The following ASAP1 variants were observed in gnomAD, a reference collection of about 807,000 sequenced individuals.
ASAP1 encodes ArfGAP with SH3 domain, ankyrin repeat and PH domain 1.
In ASAP1, 43 loss-of-function variants were observed where a neutral mutation model predicts 145.2. The observed-to-expected ratio is 0.30, with a 90% CI of 0.23 to 0.38. The LOEUF is 0.38. ASAP1 is among the 10% of genes least tolerant of loss of function. The probability of loss-of-function intolerance (pLI) is 1.00; values close to 1 mark genes in which losing one functional copy is unlikely to be tolerated. For missense variants in ASAP1, 1,018 were observed against 1,355.3 expected (o/e 0.75, Z 3.91); for synonymous variants, 546 against 515.5 (o/e 1.06, Z -0.80).
intron 1 of ASAP1, among the ~76,000 whole-genome samples, chr8:130,413,470 T>C (rs1829349782): frequency 6.6e-6 from 1 of 152,178 alleles, no homozygotes; most frequent in African/African-American, 2.4e-5. Flanking sequence ...GGCAGAACTA[T>C]TTTCTCTCCC....
chr8:130,161,990 G>C (rs2097670168), intron 11 of ASAP1, among the ~76,000 whole-genome samples: 1 of 152,070 alleles, frequency 6.6e-6, no homozygotes. Context: ...TGTAGGGATG[G>C]GGTTTCACTG....
chr8:130,234,668 A>AG (rs1008749079), intron 4 of ASAP1, among the ~76,000 whole-genome samples: 4 of 152,098 alleles, frequency 2.6e-5, no homozygotes, highest in Non-Finnish European at 5.9e-5. Flanking sequence ...ATGCATCTTG[A>AG]GGGGGAACAT....
At chr8:130,387,444 G>A (rs1828070096) in intron 2 of ASAP1, among the ~76,000 whole-genome samples, 1 of 151,872 alleles carries the variant, frequency 6.6e-6, no homozygotes, top group African/African-American at 2.4e-5. Context: ...GCTGAGGCAG[G>A]AGAATCACTT....
At chr8:130,178,850 C>T (rs998730253) in intron 9 of ASAP1, among the ~76,000 whole-genome samples, 5 of 151,748 alleles carry the variant, frequency 3.3e-5, no homozygotes, top group Admixed American at 1.3e-4. Flanking sequence ...GACTGCACCA[C>T]TGCACTCCAG....
chr8:130,195,934 C>T (rs976382327), intron 5 of ASAP1, among the ~76,000 whole-genome samples: 4 of 152,300 alleles, frequency 2.6e-5, no homozygotes, highest in African/African-American at 9.6e-5. Flanking sequence ...AAGAAATGAT[C>T]TCACTTATTG....
At chr8:130,385,161 G>A (rs1485464900) in intron 2 of ASAP1, among the ~76,000 whole-genome samples, 1 of 152,076 alleles carries the variant, frequency 6.6e-6, no homozygotes, top group Non-Finnish European at 1.5e-5. Flanking sequence ...GTCGCTTGAG[G>A]TTCATTTAAA....
chr8:130,340,948 T>C (rs887740375), intron 3 of ASAP1: 2 of 447,522 alleles, frequency 4.5e-6, no homozygotes, highest in Non-Finnish European at 8.9e-6. Context: ...TACTAGGTTT[T>C]TTTTTGTTTT....
chr8:130,109,098 A>G (rs557012800), intron 24 of ASAP1, among the ~76,000 whole-genome samples: 9 of 152,280 alleles, frequency 5.9e-5, no homozygotes, highest in African/African-American at 2.2e-4. Flanking sequence ...TAATAAACGT[A>G]CAGTAGAAGT....
chr8:130,110,395 T>C (rs2097544686), intron 24 of ASAP1, among the ~76,000 whole-genome samples: 1 of 152,192 alleles, frequency 6.6e-6, no homozygotes, highest in African/African-American at 2.4e-5. Flanking sequence ...TTTTCCATTA[T>C]TGTATTCAGT....
intron 2 of ASAP1, among the ~76,000 whole-genome samples, chr8:130,368,652 G>A (rs1002921252): frequency 7.2e-5 from 11 of 152,216 alleles, no homozygotes; most frequent in Non-Finnish European, 1.6e-4. Flanking sequence ...TAGATGCTAG[G>A]ATACAGAGGA....
At chr8:130,341,638 G>A (rs1372540292) in intron 3 of ASAP1, among the ~76,000 whole-genome samples, 1 of 152,112 alleles carries the variant, frequency 6.6e-6, no homozygotes, top group African/African-American at 2.4e-5. Flanking sequence ...TATAAAATGG[G>A]AACCAGAGCA....
At chr8:130,054,870 T>C in intron 29 of ASAP1, 65 bp from the exon 30 acceptor site, 1 of 1,324,448 alleles carries the variant, frequency 7.6e-7, no homozygotes, top group Non-Finnish European at 1.1e-6. Flanking sequence ...ACAAACCCAG[T>C]GGGTAAGAGC....
At chr8:130,185,743 A>AAAAAG (rs1554841936) in intron 7 of ASAP1, among the ~76,000 whole-genome samples, 9 of 150,848 alleles carry the variant, frequency 6.0e-5, no homozygotes, top group Non-Finnish European at 1.3e-4. Context: ...AAAAAAAAAA[A>AAAAAG]AAAAAGAAAA....
chr8:130,273,056 C>A (rs948677690), intron 3 of ASAP1, among the ~76,000 whole-genome samples: 2 of 152,252 alleles, frequency 1.3e-5, no homozygotes, highest in African/African-American at 4.8e-5. Flanking sequence ...ACCCTAAATA[C>A]CCTGACCTCA....
chr8:130,213,129 T>C (rs746558296), intron 5 of ASAP1, among the ~76,000 whole-genome samples: 1 of 152,242 alleles, frequency 6.6e-6, no homozygotes, highest in Non-Finnish European at 1.5e-5. Context: ...GAGGTTTATA[T>C]AATCTAAGAT....
intron 13 of ASAP1, among the ~76,000 whole-genome samples, chr8:130,144,048 G>A (rs1432630655): frequency 2.0e-5 from 3 of 152,222 alleles, no homozygotes; most frequent in African/African-American, 7.2e-5. Flanking sequence ...TCCTATGCTA[G>A]TGTCTGAAAA....
intron 23 of ASAP1, 43 bp downstream of exon 23, chr8:130,115,585 T>C (rs2305513): frequency 0.45 from 654,956 of 1,450,438 alleles, 151,714 homozygotes; most frequent in East Asian, 0.65. Context: ...ACTAGAAAAG[T>C]TGGGGTAGTT....
At chr8:130,425,052 C>T (rs1025996091) in intron 1 of ASAP1, among the ~76,000 whole-genome samples, 6 of 151,530 alleles carry the variant, frequency 4.0e-5, no homozygotes, top group Non-Finnish European at 7.4e-5. Context: ...TGGGTCAGGC[C>T]GGGCGCAATG....
chr8:130,110,101 T>C (rs765232653), intron 24 of ASAP1, among the ~76,000 whole-genome samples: 2 of 152,184 alleles, frequency 1.3e-5, no homozygotes, highest in Non-Finnish European at 2.9e-5. Flanking sequence ...AAGAGCTAGT[T>C]AGAATTTATT....
Sources: allele counts gnomAD v4.1 joint callset (sites outside exome capture counted in the v4.1 genomes callset), GRCh38; gene constraint gnomAD v4.1.1; transcripts MANE v1.5; gene names NCBI Gene and HGNC (gene_info 2026-07-23, HGNC 2026-07-21).